Variants in RELN observed in about 807,000 individuals in gnomAD.
RELN encodes reelin.
In RELN, 108 loss-of-function variants were observed where a neutral mutation model predicts 427.6. That is an observed-to-expected ratio of 0.25 (90% CI 0.22 to 0.30). The LOEUF (loss-of-function observed/expected upper bound fraction) is 0.30. RELN is among the 10% of genes least tolerant of loss of function. RELN has a pLI of 1.00. For synonymous variants in RELN, 1,524 were observed against 1,513.4 expected, an observed-to-expected ratio of 1.01 and a Z score of -0.16; for missense variants, 3,715 against 4,302.8, an observed-to-expected ratio of 0.86 and a Z score of 3.82.
At chr7:103,897,523 CGTTA>C (rs1450506694) in intron 2 of RELN, among the ~76,000 whole-genome samples, 1 of 151,896 alleles carries the variant, frequency 6.6e-6, no homozygotes, top group African/African-American at 2.4e-5. Context: ...CTTCATTAAA[CGTTA>C]GTTAAACTGA....
At chr7:103,757,244 C>G (rs58674757) in intron 4 of RELN, among the ~76,000 whole-genome samples, 340 of 152,266 alleles carry the variant, frequency 2.2e-3, no homozygotes, top group African/African-American at 8.0e-3. Flanking sequence ...TGCATGCTTG[C>G]TAGACTGGTC....
At chr7:103,839,143 T>C (rs39381) in intron 2 of RELN, among the ~76,000 whole-genome samples, 2 of 152,138 alleles carry the variant, frequency 1.3e-5, no homozygotes, top group Non-Finnish European at 2.9e-5. Flanking sequence ...ATGGTGTCAA[T>C]GTACAGTTTG....
chr7:103,852,341 G>A (rs1793842714), intron 2 of RELN, among the ~76,000 whole-genome samples: 1 of 152,062 alleles, frequency 6.6e-6, no homozygotes, highest in Non-Finnish European at 1.5e-5. Flanking sequence ...CTGTATAGTA[G>A]TAGTCAAGAA....
In RELN at chr7:103,911,192, A is replaced by G. The variant is rs1171889522; in HGVS notation, c.337+5883T>C. On this transcript the variant is annotated intron_variant, in intron 2 of 64. Coordinates refer to ENST00000428762, the MANE Select transcript of RELN (RefSeq NM_005045.4). ...AACAACCCCATCAAAAAGTGGGCGA[A>G]GAGCATGAACAGACACTTCTCAAAA... is the stretch of plus-strand genomic sequence containing the variant. Among the ~76,000 whole-genome samples, 2 of 139,848 alleles carry G rather than the reference A, an allele frequency of 1.4e-5. 1 individual carries two copies. Among genetic ancestry groups the G allele is most frequent in the Non-Finnish European group, 3.0e-5 (2 of 66,320 alleles). 91.7% of individuals were successfully genotyped at this position (139,848 alleles called of 152,430 possible).
chr7:103,793,084 T>G (rs2116278636), intron 3 of RELN, among the ~76,000 whole-genome samples: 1 of 152,242 alleles, frequency 6.6e-6, no homozygotes, highest in South Asian at 2.1e-4. Context: ...GCAACCAAAT[T>G]TCAATTGAAC....
chr7:103,746,582 C>A (rs1483103133), intron 6 of RELN, among the ~76,000 whole-genome samples: 2 of 152,120 alleles, frequency 1.3e-5, no homozygotes, highest in Non-Finnish European at 2.9e-5. Flanking sequence ...AAACAAACAA[C>A]CCCATCAAAA....
chr7:103,565,931 A>C (rs991749180), intron 33 of RELN, among the ~76,000 whole-genome samples: 4 of 152,064 alleles, frequency 2.6e-5, no homozygotes, highest in Non-Finnish European at 4.4e-5. Flanking sequence ...TTAAACATAG[A>C]GTCTTAAGTC....
At chr7:103,923,107 G>C (rs2116687725) in intron 1 of RELN, among the ~76,000 whole-genome samples, 2 of 152,208 alleles carry the variant, frequency 1.3e-5, no homozygotes, top group African/African-American at 4.8e-5. Context: ...AAACATCATT[G>C]CATTTTGCCT....
At chr7:103,641,114 A>G (rs1311679827) in intron 16 of RELN, among the ~76,000 whole-genome samples, 2 of 152,168 alleles carry the variant, frequency 1.3e-5, no homozygotes, top group African/African-American at 4.8e-5. Context: ...TTGAGCCTAA[A>G]GGCTACTGAT....
intron 6 of RELN, among the ~76,000 whole-genome samples, chr7:103,736,127 C>T (rs1790485443): frequency 6.6e-6 from 1 of 152,160 alleles, no homozygotes; most frequent in East Asian, 1.9e-4. Context: ...GTAAATCAGA[C>T]CTTGCCGGCC....
intron 2 of RELN, among the ~76,000 whole-genome samples, chr7:103,836,910 T>G (rs1247524535): frequency 6.6e-6 from 1 of 152,198 alleles, no homozygotes; most frequent in East Asian, 1.9e-4. Flanking sequence ...CTAATCCACA[T>G]TCCTCTAGCA....
intron 22 of RELN, 111 bp from the exon 23 acceptor site, chr7:103,604,594 G>T: frequency 2.0e-6 from 2 of 1,015,350 alleles, no homozygotes; most frequent in Non-Finnish European, 1.5e-6. Context: ...TGGAACTTGA[G>T]CTTAGCTGGC....
At chr7:103,745,114 C>T (rs58651304) in intron 6 of RELN, among the ~76,000 whole-genome samples, 1,607 of 152,080 alleles carry the variant, frequency 0.011, 30 homozygotes, top group African/African-American at 0.036. Context: ...GTTCAATATA[C>T]GCAAATCAAT....
intron 2 of RELN, among the ~76,000 whole-genome samples, chr7:103,880,046 C>T (rs1794571078): frequency 6.6e-6 from 1 of 151,992 alleles, no homozygotes; most frequent in South Asian, 2.1e-4. Flanking sequence ...GACATTCCCC[C>T]TTTTCTGAAA....
intron 57 of RELN, among the ~76,000 whole-genome samples, chr7:103,494,283 T>C (rs927217837): frequency 2.0e-5 from 3 of 151,996 alleles, no homozygotes; most frequent in Non-Finnish European, 4.4e-5. Flanking sequence ...TTAACTGTCA[T>C]TGTAGTACAT....
intron 22 of RELN, among the ~76,000 whole-genome samples, chr7:103,604,779 C>T (rs1831774986): frequency 2.0e-5 from 3 of 150,578 alleles, no homozygotes; most frequent in South Asian, 4.2e-4. Flanking sequence ...AGAAAAAGTA[C>T]TAAGAAAGAA....
chr7:103,491,770 G>A lies in RELN; in HGVS notation c.9443+183C>T, dbSNP rs180705534. Among the ~76,000 whole-genome samples, 17 of 151,352 alleles carry A rather than the reference G, an allele frequency of 1.1e-4. No homozygotes were observed. In the South Asian group the frequency reaches 1.9e-3, roughly 17 times the overall value. The stretch of plus-strand genomic sequence containing the variant: ...CTTGAACCTGGGAGGCGGAGGTTGC[G>A]GTGAGCCGAGATCCCACCATTGCAC... On this transcript the variant is annotated intron_variant, in intron 58 of 64. Transcript: ENST00000428762.
At chr7:103,843,640 T>C (rs1164327272) in intron 2 of RELN, among the ~76,000 whole-genome samples, 1 of 152,204 alleles carries the variant, frequency 6.6e-6, no homozygotes, top group Non-Finnish European at 1.5e-5. Flanking sequence ...CCTAAATTTT[T>C]CATCAGTTAT....
In RELN at chr7:103,472,039, G is replaced by T. The variant is rs1827877325; in HGVS notation, c.*773C>A. On this transcript the variant is annotated 3_prime_UTR_variant, in exon 65 of 65. Transcript: ENST00000428762. ...TCACAGACAAAAAATGGCAGTTACT[G>T]TTAGTAAATCAGCCACAGAACACTT... 1 of 152,422 alleles carries T rather than the reference G, an allele frequency of 6.6e-6. No homozygotes were observed. Among genetic ancestry groups the T allele is most frequent in the African/African-American group, 2.4e-5 (1 of 41,424 alleles). 9.4% of individuals were successfully genotyped at this position (152,422 alleles called of 1,614,324 possible).
Sources: gnomAD v4.1 joint callset for allele counts (sites outside exome capture counted in the v4.1 genomes callset) on GRCh38, gnomAD v4.1.1 for gene constraint, MANE v1.5 for transcripts, NCBI Gene and HGNC (gene_info 2026-07-23, HGNC 2026-07-21) for gene names.